AGBL1: variants seen among roughly 807,000 people sequenced by gnomAD.
AGBL1 encodes the protein cytosolic carboxypeptidase 4.
In AGBL1, 130 loss-of-function variants were observed where a neutral mutation model predicts 118.9. The ratio of observed to expected loss-of-function variants is 1.09; its 90% confidence interval spans 0.95 to 1.26. AGBL1 has a LOEUF of 1.26. AGBL1 is among the 50% of genes most tolerant of loss of function. The pLI, the probability that AGBL1 is intolerant of heterozygous loss-of-function variation, is 0.00. For missense variants in AGBL1, 1,584 were observed against 1,298.1 expected, an observed-to-expected ratio of 1.22 and a Z score of -3.38; for synonymous variants, 555 against 478.9, an observed-to-expected ratio of 1.16 and a Z score of -2.08.
At chr15:86,957,487 G>GA (rs945996108) in intron 23 of AGBL1, among the ~76,000 whole-genome samples, 84 of 151,854 alleles carry the variant, frequency 5.5e-4, no homozygotes, top group Middle Eastern at 3.4e-3. Context: ...GAGAATTTGG[G>GA]AAAAAATGTT....
At chr15:86,319,693 A>G (rs566366225) in intron 17 of AGBL1, among the ~76,000 whole-genome samples, 2 of 136,574 alleles carry the variant, frequency 1.5e-5, no homozygotes, top group East Asian at 4.4e-4. Context: ...AAATTCTGAT[A>G]CCTCGTGGGG....
intron 24 of AGBL1, among the ~76,000 whole-genome samples, chr15:86,990,226 G>T (rs940189786): frequency 6.6e-6 from 1 of 152,014 alleles, no homozygotes; most frequent in Non-Finnish European, 1.5e-5. Context: ...AAATAAGAAA[G>T]GTTTGGGGCC....
At chr15:86,890,351 CTGAT>C (rs1462935084) in intron 22 of AGBL1, among the ~76,000 whole-genome samples, 4 of 152,186 alleles carry the variant, frequency 2.6e-5, no homozygotes, top group South Asian at 2.1e-4. Flanking sequence ...TTTTTTCACT[CTGAT>C]TGATAATTGT....
At chr15:86,484,170 C>A (rs776203892) in intron 18 of AGBL1, among the ~76,000 whole-genome samples, 1 of 152,084 alleles carries the variant, frequency 6.6e-6, no homozygotes, top group Non-Finnish European at 1.5e-5. Flanking sequence ...ACTTTCTCTC[C>A]CCTCAAGCAA....
rs1292904683 is a variant in AGBL1, at chr15:87,015,888, A to AATG, written c.3324-12933_3324-12931dup. Among the ~76,000 whole-genome samples, 3 of 152,286 alleles carry AATG rather than the reference A, an allele frequency of 2.0e-5. No homozygotes were observed. In the East Asian group the frequency reaches 5.8e-4, roughly 29 times the overall value. On this transcript the variant is annotated intron_variant, in intron 24 of 24. Transcript: ENST00000441037. ...ATGCCTTTAAGGTATACTACCTTAGAATGATGTTAAATTTGCCAACTGCAG... is the reference window on the plus strand; with the variant it reads ...ATGCCTTTAAGGTATACTACCTTAGAATGATGATGTTAAATTTGCCAACTGCAG...
At chr15:86,390,813 G>T (rs556650892) in intron 17 of AGBL1, among the ~76,000 whole-genome samples, 27 of 151,828 alleles carry the variant, frequency 1.8e-4, no homozygotes, top group Admixed American at 6.6e-4. Flanking sequence ...GGGATTACAG[G>T]CGCCTACCAC....
At chr15:86,344,724 T>A (rs1419410404) in intron 17 of AGBL1, among the ~76,000 whole-genome samples, 1 of 152,116 alleles carries the variant, frequency 6.6e-6, no homozygotes, top group Non-Finnish European at 1.5e-5. Context: ...TAAAATCAGA[T>A]AATGCAAATA....
intron 18 of AGBL1, among the ~76,000 whole-genome samples, chr15:86,477,331 C>G (rs2082574807): frequency 6.6e-6 from 1 of 152,028 alleles, no homozygotes; most frequent in South Asian, 2.1e-4. Flanking sequence ...TGATAGACTG[C>G]TAGCAAGACT....
intron 22 of AGBL1, among the ~76,000 whole-genome samples, chr15:86,708,803 C>A (rs2086501821): frequency 6.6e-6 from 1 of 152,098 alleles, no homozygotes; most frequent in South Asian, 2.1e-4. Flanking sequence ...GCCAGGCCCT[C>A]CTTGTTCAGT....
chr15:86,286,757 A>G (rs893548220), intron 16 of AGBL1, among the ~76,000 whole-genome samples: 2 of 147,976 alleles, frequency 1.4e-5, no homozygotes, highest in Non-Finnish European at 3.0e-5. Context: ...ATAAAACTCC[A>G]TCAATGCGCA....
intron 18 of AGBL1, among the ~76,000 whole-genome samples, chr15:86,409,520 C>T (rs2081581480): frequency 6.6e-6 from 1 of 152,124 alleles, no homozygotes; most frequent in Non-Finnish European, 1.5e-5. Context: ...CATTTGCCTT[C>T]CTCAGACATT....
intron 1 of AGBL1, among the ~76,000 whole-genome samples, chr15:86,122,562 GA>G (rs575690751): frequency 1.8e-3 from 279 of 152,090 alleles, no homozygotes; most frequent in Non-Finnish European, 3.2e-3. Flanking sequence ...ACTGACCCTG[GA>G]TATATAACAG....
intron 18 of AGBL1, among the ~76,000 whole-genome samples, chr15:86,471,706 G>C (rs1011687889): frequency 1.3e-5 from 2 of 152,008 alleles, no homozygotes; most frequent in African/African-American, 4.8e-5. Flanking sequence ...GGGCATTCCA[G>C]TGCTTCTATA....
At chr15:87,007,903 G>A (rs543821713) in intron 24 of AGBL1, among the ~76,000 whole-genome samples, 5 of 152,158 alleles carry the variant, frequency 3.3e-5, no homozygotes, top group African/African-American at 9.7e-5. Flanking sequence ...AGTGGACTCC[G>A]AATGATATTT....
At chr15:86,476,558 C>G (rs1232799967) in intron 18 of AGBL1, among the ~76,000 whole-genome samples, 2 of 152,156 alleles carry the variant, frequency 1.3e-5, no homozygotes, top group Admixed American at 6.5e-5. Flanking sequence ...GCACCCAATA[C>G]AGGAGCACCC....
chr15:86,450,091 G>A (rs1349833711), intron 18 of AGBL1, among the ~76,000 whole-genome samples: 3 of 152,144 alleles, frequency 2.0e-5, no homozygotes, highest in Non-Finnish European at 1.5e-5. Context: ...CTGACTCCAT[G>A]AACATTGGCC....
intron 23 of AGBL1, among the ~76,000 whole-genome samples, chr15:86,940,059 C>A (rs1390340403): frequency 2.9e-5 from 3 of 104,814 alleles, no homozygotes; most frequent in Non-Finnish European, 5.7e-5. Flanking sequence ...TTTTGGTAGT[C>A]CTTTTTTTTT....
chr15:86,215,756 G>T (rs778140777), intron 5 of AGBL1, among the ~76,000 whole-genome samples: 37 of 152,188 alleles, frequency 2.4e-4, no homozygotes, highest in African/African-American at 8.4e-4. Flanking sequence ...AATCCCATCA[G>T]TTCTAAATCT....
rs2083579292 is a variant in AGBL1, at chr15:86,546,218, T to C, written c.2817+85T>C. The C allele has an allele frequency of 3.0e-6, 4 of 1,328,278 alleles. No individual in the cohort carries two copies. The East Asian group carries it at 1.0e-4, about 34-fold the overall frequency. 82.3% of individuals were successfully genotyped at this position (1,328,278 alleles called of 1,614,324 possible). ...TTAAGACCATGCCCCACTCATTTATTTAGTTTTTTTTTTTTTTTGTAAATA... is the reference window on the plus strand; with the variant it reads ...TTAAGACCATGCCCCACTCATTTATCTAGTTTTTTTTTTTTTTTGTAAATA... On this transcript the variant is annotated intron_variant, in intron 20 of 22. Coordinates refer to ENST00000614907, the MANE Select transcript of AGBL1 (RefSeq NM_001386094.1).
Sources: allele counts gnomAD v4.1 joint callset (sites outside exome capture counted in the v4.1 genomes callset), GRCh38; gene constraint gnomAD v4.1.1; transcripts MANE v1.5; gene names NCBI Gene and HGNC (gene_info 2026-07-23, HGNC 2026-07-21).